CCSER2: variants seen among roughly 807,000 people sequenced by gnomAD.
CCSER2 encodes serine-rich coiled-coil domain-containing protein 2.
A neutral mutation model predicts 92.3 loss-of-function variants in CCSER2; 46 were observed. That is an observed-to-expected ratio of 0.50 (90% CI 0.39 to 0.64). The LOEUF (loss-of-function observed/expected upper bound fraction) is 0.64. Among genes scored for constraint, CCSER2 ranks in the 30% least tolerant of loss-of-function variants. The pLI is 0.00. For missense variants in CCSER2, 1,244 were observed against 1,238.9 expected (o/e 1.00, Z -0.06); for synonymous variants, 433 against 431.4 (o/e 1.00, Z -0.04).
At chr10:84,429,038 G>T (rs1843613462) in intron 5 of CCSER2, among the ~76,000 whole-genome samples, 1 of 147,700 alleles carries the variant, frequency 6.8e-6, no homozygotes, top group Non-Finnish European at 1.5e-5. Context: ...ATACTGGTCT[G>T]TAGTTTTGTT....
chr10:84,392,978 T>C (rs1184272881), intron 3 of CCSER2, among the ~76,000 whole-genome samples: 1 of 152,130 alleles, frequency 6.6e-6, no homozygotes, highest in East Asian at 1.9e-4. Context: ...AGTGGGGAAG[T>C]AGCATGCTTG....
intron 1 of CCSER2, among the ~76,000 whole-genome samples, chr10:84,347,593 G>A (rs1163817539): frequency 4.0e-5 from 6 of 151,688 alleles, no homozygotes; most frequent in Non-Finnish European, 5.9e-5. Context: ...CTGGCCTGGC[G>A]GGGGCTGACC....
chr10:84,456,590 G>A (rs1845637779), intron 6 of CCSER2, among the ~76,000 whole-genome samples: 2 of 152,056 alleles, frequency 1.3e-5, no homozygotes. Flanking sequence ...TATTTCTCTC[G>A]GGTAAATACT....
At chr10:84,431,286 C>G (rs1481484009) in intron 5 of CCSER2, among the ~76,000 whole-genome samples, 1 of 152,160 alleles carries the variant, frequency 6.6e-6, no homozygotes, top group South Asian at 2.1e-4. Context: ...TTTTCCTGAA[C>G]TCCTGGTAAA....
intron 3 of CCSER2, among the ~76,000 whole-genome samples, chr10:84,401,144 C>T (rs1297445412): frequency 6.6e-6 from 1 of 151,896 alleles, no homozygotes; most frequent in East Asian, 1.9e-4. Flanking sequence ...AAGCTTGTAC[C>T]TTAAGAAACT....
intron 5 of CCSER2, among the ~76,000 whole-genome samples, chr10:84,435,481 TAAG>T (rs1296590543): frequency 1.3e-5 from 2 of 152,090 alleles, no homozygotes; most frequent in Non-Finnish European, 2.9e-5. Flanking sequence ...CTTGACAAAA[TAAG>T]AAGTACCTTT....
intron 4 of CCSER2, among the ~76,000 whole-genome samples, chr10:84,425,377 G>A (rs193038335): frequency 1.5e-4 from 23 of 152,272 alleles, no homozygotes; most frequent in Admixed American, 1.4e-3. Context: ...TGAAATCAGA[G>A]CCAACTTGTG....
intron 6 of CCSER2, among the ~76,000 whole-genome samples, chr10:84,446,866 G>A (rs1019283037): frequency 6.6e-6 from 1 of 151,736 alleles, no homozygotes; most frequent in Non-Finnish European, 1.5e-5. Context: ...AAATTATAAT[G>A]TGAGTATTCC....
At chr10:84,353,882 T>TAAAAACAA (rs56411148) in intron 1 of CCSER2, among the ~76,000 whole-genome samples, 4 of 146,424 alleles carry the variant, frequency 2.7e-5, no homozygotes, top group East Asian at 2.1e-4. Context: ...GGGTACAAAA[T>TAAAAACAA]AAAAACAAAA....
At chr10:84,378,240 T>A (rs1846445188) in intron 3 of CCSER2, among the ~76,000 whole-genome samples, 1 of 150,986 alleles carries the variant, frequency 6.6e-6, no homozygotes, top group Non-Finnish European at 1.5e-5. Context: ...TACCAAATGC[T>A]TTCTCTACGT....
Position 84,366,182 on chromosome 10 carries a change from G to A in CCSER2, c.-39-4832G>A, listed in dbSNP as rs1191428223. Among the ~76,000 whole-genome samples, 6 of 152,140 alleles carry A rather than the reference G, an allele frequency of 3.9e-5. No homozygotes were observed. In the East Asian group the frequency reaches 5.8e-4, roughly 15 times the overall value. ...TGGCCTTCAACTCCTGAGCTCAAGC[G>A]ATCCTTTCGCCTCAGCTTCCCAAAC... On this transcript the variant is annotated intron_variant, in intron 1 of 9. Transcript: ENST00000372088.
At chr10:84,504,631 A>T (rs1162172230) in intron 9 of CCSER2, among the ~76,000 whole-genome samples, 1 of 152,240 alleles carries the variant, frequency 6.6e-6, no homozygotes, top group East Asian at 1.9e-4. Context: ...ACTTTCACAA[A>T]TATTCCTATA....
rs34335757 is a variant in CCSER2, at chr10:84,460,087, A to ATTTTT, written c.2065-3830_2065-3826dup. 2.2e-3 allele frequency among the ~76,000 whole-genome samples: 222 copies of ATTTTT among 103,242 alleles called. 5 individuals carry two copies. Among genetic ancestry groups the ATTTTT allele is most frequent in the African/African-American group, 4.6e-3 (128 of 27,898 alleles). The allele number at this position is 103,242 out of a possible 152,430, so 67.7% of individuals were successfully genotyped here. ...ACATATTGTTGGTTTTGATTCTTCG[A>ATTTTT]TTTTTTTTTTTTTTTTTTTTGAGAC... is the stretch of plus-strand genomic sequence containing the variant. On this transcript the variant is annotated intron_variant, in intron 6 of 9. Coordinates refer to ENST00000372088, the MANE Select transcript of CCSER2 (RefSeq NM_001284240.2).
chr10:84,401,316 T>C (rs1842105228), intron 3 of CCSER2, among the ~76,000 whole-genome samples: 1 of 152,128 alleles, frequency 6.6e-6, no homozygotes, highest in African/African-American at 2.4e-5. Flanking sequence ...TTAGCAAGAC[T>C]GACAAAGGCA....
chr10:84,513,971 TCACC>T lies in CCSER2; in HGVS notation c.2849_2852del (p.Ser950Ter). The T allele has an allele frequency of 6.5e-7, 1 of 1,536,678 alleles. No individual in the cohort carries two copies. The highest frequency in any genetic ancestry group is 8.7e-7 in the Non-Finnish European group (1 of 1,147,032). Reference sequence around the variant, plus strand: ...AAGTAGGACTCCCACTTGTAAAAAGTCACCAATAATCACAACATGTAATTCAGCA... The same window carrying T: ...AAGTAGGACTCCCACTTGTAAAAAGTAATAATCACAACATGTAATTCAGCA... On this transcript the variant is annotated frameshift_variant, in exon 10 of 10. Coordinates refer to ENST00000372088, the MANE Select transcript of CCSER2 (RefSeq NM_001284240.2). LOFTEE classifies it high-confidence loss of function.
intron 3 of CCSER2, among the ~76,000 whole-genome samples, chr10:84,378,459 A>C (rs1221975157): frequency 7.0e-6 from 1 of 142,404 alleles, no homozygotes; most frequent in Non-Finnish European, 1.5e-5. Context: ...TTTGAGACGA[A>C]GTCTCGCTCT....
intron 4 of CCSER2, 44 bp from the exon 5 acceptor site, chr10:84,425,687 G>T: frequency 7.3e-7 from 1 of 1,373,356 alleles, no homozygotes; most frequent in South Asian, 1.7e-5. Context: ...AACTTTTATG[G>T]AGTATGTACA....
At chr10:84,441,932 A>G (rs373491869) in intron 6 of CCSER2, among the ~76,000 whole-genome samples, 3 of 151,220 alleles carry the variant, frequency 2.0e-5, no homozygotes, top group Non-Finnish European at 4.4e-5. Flanking sequence ...AATTTCTTAT[A>G]TTTTTAGTAG....
intron 4 of CCSER2, among the ~76,000 whole-genome samples, chr10:84,421,753 A>T (rs1172996957): frequency 6.6e-6 from 1 of 152,206 alleles, no homozygotes. Context: ...AAAAAGTGGA[A>T]CACATTTATT....
Sources: allele counts gnomAD v4.1 joint callset (sites outside exome capture counted in the v4.1 genomes callset), GRCh38; gene constraint gnomAD v4.1.1; transcripts MANE v1.5; gene names NCBI Gene and HGNC (gene_info 2026-07-23, HGNC 2026-07-21).